Variants in CUL4A observed in about 807,000 individuals in gnomAD.
CUL4A encodes the protein cullin 4A.
CUL4A carries 16 observed loss-of-function variants against 95.5 expected under a neutral mutation model. The ratio of observed to expected loss-of-function variants is 0.17; its 90% CI spans 0.11 to 0.25. The LOEUF (loss-of-function observed/expected upper bound fraction) is 0.25. Among genes scored for constraint, CUL4A ranks in the 10% least tolerant of loss-of-function variants. The pLI is 1.00. For missense variants in CUL4A, 610 were observed against 937.0 expected, an observed-to-expected ratio of 0.65 and a Z score of 4.56; for synonymous variants, 380 against 353.1, an observed-to-expected ratio of 1.08 and a Z score of -0.85.
Position 113,263,504 on chromosome 13 carries a change from G to A in CUL4A, c.2202G>A (p.Lys734=). The A allele has an allele frequency of 3.7e-6, 6 of 1,602,312 alleles. No homozygotes were observed. Among genetic ancestry groups the A allele is most frequent in the Non-Finnish European group, 5.1e-6 (6 of 1,175,158 alleles). The change falls in exon 20 of 20, where the codon AAG becomes AAA. Residue 734 remains lysine (K), a synonymous_variant. Transcript: ENST00000375440. The stretch of plus-strand genomic sequence containing the variant: ...TTTTTTAGCCTGGAGATTTGAAAAA[G>A]AGAATTGAATCTCTGATAGACAGAG... ...KFPVKPGDLK[K]RIESLIDRDY...
At chr13:113,240,605 A>G (rs1190924718) in intron 10 of CUL4A, among the ~76,000 whole-genome samples, 2 of 152,256 alleles carry the variant, frequency 1.3e-5, no homozygotes, top group African/African-American at 2.4e-5. Context: ...CTAAGAGGAA[A>G]AAAAGAAAAG....
chr13:113,225,022 G>A (rs1468607633), intron 3 of CUL4A, among the ~76,000 whole-genome samples: 7 of 152,066 alleles, frequency 4.6e-5, no homozygotes, highest in East Asian at 3.9e-4. Context: ...CAGAAGCACC[G>A]TCTTTTTGCT....
At position 113,266,472 on chromosome 13, in the gene CUL4A, A is replaced by G. The variant is rs1192015679; in HGVS notation, c.*2890A>G. 2 of 152,270 alleles carry G rather than the reference A, an allele frequency of 1.3e-5. No homozygotes were observed. Among genetic ancestry groups the G allele is most frequent in the African/African-American group, 4.8e-5 (2 of 41,478 alleles). The allele number at this position is 152,270 out of a possible 1,614,324, so 9.4% of individuals were successfully genotyped here. ...TGATTCTCACATTTTGCTATACAGTATCTTAAGATGTAAAACCTTCCTTTA... is the reference window on the plus strand; with the variant it reads ...TGATTCTCACATTTTGCTATACAGTGTCTTAAGATGTAAAACCTTCCTTTA... On this transcript the variant is annotated 3_prime_UTR_variant, in exon 20 of 20. Transcript: ENST00000375440.
chr13:113,210,461 G>C (rs1287720678), intron 2 of CUL4A, among the ~76,000 whole-genome samples: 1 of 152,156 alleles, frequency 6.6e-6, no homozygotes, highest in Non-Finnish European at 1.5e-5. Flanking sequence ...TCTCTGTTGT[G>C]TTTTGTGATT....
intron 8 of CUL4A, among the ~76,000 whole-genome samples, chr13:113,235,927 CGCCACTGCACTCCA>C (rs1206212852): frequency 6.7e-6 from 1 of 150,204 alleles, no homozygotes; most frequent in Non-Finnish European, 1.5e-5. Context: ...GCCGAGATCA[CGCCACTGCACTCCA>C]GCCTGGGCGA....
At chr13:113,240,979 G>A (rs1484713444) in intron 10 of CUL4A, among the ~76,000 whole-genome samples, 1 of 152,116 alleles carries the variant, frequency 6.6e-6, no homozygotes, top group Non-Finnish European at 1.5e-5. Flanking sequence ...GTCATTATCT[G>A]AATAAAGATT....
intron 4 of CUL4A, among the ~76,000 whole-genome samples, chr13:113,228,459 A>G (rs2041187631): frequency 6.6e-6 from 1 of 152,178 alleles, no homozygotes; most frequent in African/African-American, 2.4e-5. Flanking sequence ...TAATTACTTA[A>G]GTGAGAGAAC....
In CUL4A at chr13:113,244,438, A is replaced by G; in HGVS notation, c.1257A>G (p.Ala419=). 6.2e-7 allele frequency: 1 copy of G among 1,613,722 alleles called. No individual in the cohort carries two copies. The highest frequency in any genetic ancestry group is 1.1e-5 in the South Asian group (1 of 90,938). Residue 419 remains alanine, a synonymous_variant, in exon 12 of 20, where the codon GCA becomes GCG. Transcript: ENST00000375440. ...IAKHVDSKLR[A]GNKEATDEEL... ...AGCATGTGGATTCAAAGTTAAGAGC[A>G]GGCAACAAAGAAGCCACAGACGAGG... is the stretch of plus-strand genomic sequence containing the variant.
Position 113,235,080 on chromosome 13 carries a change from C to G in CUL4A, c.783C>G (p.Asn261Lys), listed in dbSNP as rs1220488562. Reference sequence around the variant, plus strand: ...TTTGTAAGGTTCCAGAATATCTTAACCATGTAAGTAAACGCTTAGAGGAAG... The same window carrying G: ...TTTGTAAGGTTCCAGAATATCTTAAGCATGTAAGTAAACGCTTAGAGGAAG... ...MQEREVPEYL[N>K]HVSKRLEEEG... Residue 261 changes from asparagine to lysine, a missense_variant, in exon 8 of 20, where the codon AAC becomes AAG. Physicochemically the swap from Asn to Lys is moderately conservative, Grantham distance 94. Transcript: ENST00000375440. 3 of 1,611,562 alleles carry G rather than the reference C, an allele frequency of 1.9e-6. No individual in the cohort carries two copies. Among genetic ancestry groups the G allele is most frequent in the African/African-American group, 1.3e-5 (1 of 74,984 alleles).
chr13:113,228,199 T>A (rs1056099565), intron 4 of CUL4A, among the ~76,000 whole-genome samples, 154 bp downstream of exon 4: 2 of 152,324 alleles, frequency 1.3e-5, no homozygotes, highest in African/African-American at 4.8e-5. Flanking sequence ...GAAGGTGAAC[T>A]CCTCAGCTCC....
chr13:113,252,278 C>CT lies in CUL4A; in HGVS notation c.1639-803dup, dbSNP rs573656539. Reference sequence around the variant, plus strand: ...AAATTCACTCAAGGCCAGGCACAGTCTAATTCCAGCGTTTTGGGAGGCCGA... The same window carrying CT: ...AAATTCACTCAAGGCCAGGCACAGTCTTAATTCCAGCGTTTTGGGAGGCCGA... On this transcript the variant is annotated intron_variant, in intron 15 of 19. Coordinates refer to ENST00000375440, the MANE Select transcript of CUL4A (RefSeq NM_001008895.4). Among the ~76,000 whole-genome samples, 25 of 152,256 alleles carry CT rather than the reference C, an allele frequency of 1.6e-4. 1 individual carries two copies. The East Asian group carries it at 3.1e-3, about 19-fold the overall frequency.
intron 19 of CUL4A, among the ~76,000 whole-genome samples, 188 bp from the exon 20 acceptor site, chr13:113,263,299 C>G (rs554797236): frequency 6.6e-6 from 1 of 152,230 alleles, no homozygotes; most frequent in South Asian, 2.1e-4. Context: ...TTAACTTTGT[C>G]TTTAAAATAG....
chr13:113,235,970 C>CAAAAAA (rs35017025), intron 8 of CUL4A, among the ~76,000 whole-genome samples: 1 of 65,114 alleles, frequency 1.5e-5, no homozygotes, highest in Non-Finnish European at 3.1e-5. Context: ...GACTCCGTCT[C>CAAAAAA]AAAAAAAAAA....
At position 113,229,850 on chromosome 13, in the gene CUL4A, GA is replaced by G. The variant is rs548313186; in HGVS notation, c.512+334del. ...TCCAGCGCTGCAGTTGAAACTCGGA[GA>G]AAGACTGCCTGCTGCCCGTGGGGTC... is the stretch of plus-strand genomic sequence containing the variant. On this transcript the variant is annotated intron_variant, in intron 5 of 19. Coordinates refer to ENST00000375440, the MANE Select transcript of CUL4A (RefSeq NM_001008895.4). The G allele has an allele frequency of 1.9e-4, 87 of 466,608 alleles. 2 individuals are homozygous for G. In the South Asian group the frequency reaches 3.9e-3, roughly 21 times the overall value. The allele number at this position is 466,608 out of a possible 1,614,324, so 28.9% of individuals were successfully genotyped here.
chr13:113,259,039 G>A (rs1435741193), intron 18 of CUL4A, among the ~76,000 whole-genome samples: 2 of 152,162 alleles, frequency 1.3e-5, no homozygotes, highest in African/African-American at 4.8e-5. Flanking sequence ...GTTTTTATCA[G>A]AATGTATGTA....
At chr13:113,218,394 T>C (rs1279299797) in intron 2 of CUL4A, among the ~76,000 whole-genome samples, 2 of 152,206 alleles carry the variant, frequency 1.3e-5, no homozygotes, top group Admixed American at 1.3e-4. Flanking sequence ...AAGCTCAGTT[T>C]GGATTGAATC....
At chr13:113,251,144 G>A (rs141337699) in intron 15 of CUL4A, among the ~76,000 whole-genome samples, 18 of 152,296 alleles carry the variant, frequency 1.2e-4, no homozygotes, top group Non-Finnish European at 1.9e-4. Context: ...GCCCCTGTCC[G>A]GAGTCCACAT....
intron 8 of CUL4A, among the ~76,000 whole-genome samples, chr13:113,235,995 T>TA (rs2041531505): frequency 6.7e-6 from 1 of 150,048 alleles, no homozygotes. Context: ...AAGAAAATGA[T>TA]ACAGTGTGCA....
At chr13:113,209,243 C>T (rs1272738697), upstream of CUL4A, among the ~76,000 whole-genome samples, 3 of 146,598 alleles carry the variant, frequency 2.0e-5, no homozygotes, top group Admixed American at 6.7e-5. Flanking sequence ...GGCTCCCGAT[C>T]CCCTCAGGAG....
Sources: gnomAD v4.1 joint callset for allele counts (sites outside exome capture counted in the v4.1 genomes callset) on GRCh38, gnomAD v4.1.1 for gene constraint, MANE v1.5 for transcripts, NCBI Gene and HGNC (gene_info 2026-07-23, HGNC 2026-07-21) for gene names.